Variants in GPX1 observed in about 807,000 individuals in gnomAD.
GPX1 encodes the protein glutathione peroxidase 1, also known as GSHPx-1.
In GPX1, 8 loss-of-function variants were observed where a neutral mutation model predicts 11.5. The ratio of observed to expected loss-of-function variants is 0.70; its 90% CI spans 0.41 to 1.25. The LOEUF (loss-of-function observed/expected upper bound fraction) is 1.25. GPX1 is among the 50% of genes most tolerant of loss of function. GPX1 has a pLI of 0.01. For missense variants in GPX1, 266 were observed against 284.3 expected (o/e 0.94, Z 0.46); for synonymous variants, 142 against 127.8 (o/e 1.11, Z -0.75).
Position 49,357,176 on chromosome 3 carries a change from T to C in GPX1, c.*212A>G. On this transcript the variant is annotated 3_prime_UTR_variant, in exon 2 of 2. Transcript: ENST00000419783. ...ACAATGACACAGGACATACACACAG[T>C]TCTGCTGACACCCGGCACTTTATTA... 6.9e-6 allele frequency: 4 copies of C among 580,936 alleles called. No homozygotes were observed. Among genetic ancestry groups the C allele is most frequent in the Admixed American group, 3.0e-5 (1 of 33,456 alleles). 36.0% of individuals were successfully genotyped at this position (580,936 alleles called of 1,614,324 possible).
At chr3:49,357,853 A>C (rs901060698) in intron 1 of GPX1, 106 bp from the exon 2 acceptor site, 2 of 1,527,022 alleles carry the variant, frequency 1.3e-6, no homozygotes, top group African/African-American at 1.4e-5. Context: ...TTTGCCCTCC[A>C]TGCGCAATCC....
chr3:49,357,808 A>G (rs1438357802), intron 1 of GPX1, 61 bp from the exon 2 acceptor site: 18 of 1,548,232 alleles, frequency 1.2e-5, no homozygotes, highest in Non-Finnish European at 1.5e-5. Flanking sequence ...CGTTCTAACC[A>G]CAAACAAGGG....
intron 1 of GPX1, 117 bp downstream of exon 1, chr3:49,357,910 C>A (rs1417207411): frequency 6.7e-6 from 10 of 1,503,070 alleles, no homozygotes; most frequent in Non-Finnish European, 8.9e-6. Flanking sequence ...AGAAAGGAAA[C>A]GAGAGAGTAG....
rs748844849 is a variant in GPX1, at chr3:49,357,799, G to A, written c.253-52C>T. 7.1e-6 allele frequency: 11 copies of A among 1,556,952 alleles called. No individual in the cohort carries two copies. The South Asian group carries it at 1.1e-4, about 15-fold the overall frequency. On this transcript the variant is annotated intron_variant, in intron 1 of 1. Transcript: ENST00000419783. ...CCGGGGTCAAGAGGAGGAGAGAAAC[G>A]TTCTAACCACAAACAAGGGAGATTT...
In GPX1 at chr3:49,357,438, T is replaced by C. The variant is rs759221900; in HGVS notation, c.562A>G (p.Ile188Val). The C allele has an allele frequency of 1.9e-6, 3 of 1,613,138 alleles. No homozygotes were observed. The highest frequency in any genetic ancestry group is 1.3e-5 in the African/African-American group (1 of 74,928). The change falls in exon 2 of 2, where the codon ATC (isoleucine) becomes GTC (valine). Residue 188 changes from isoleucine to valine, a missense_variant. Coordinates refer to ENST00000419783, the MANE Select transcript of GPX1 (RefSeq NM_000581.4). ...RYSRRFQTID[I>V]EPDIEALLSQ... ...AGCAGGGCTTCGATGTCAGGCTCGATGTCAATGGTCTGGAAGCGGCGGCTG... is the reference window on the plus strand; with the variant it reads ...AGCAGGGCTTCGATGTCAGGCTCGACGTCAATGGTCTGGAAGCGGCGGCTG...
In GPX1 at chr3:49,357,616, G is replaced by A. The variant is rs760872312; in HGVS notation, c.384C>T (p.Phe128=). 1 of 1,613,370 alleles carries A rather than the reference G, an allele frequency of 6.2e-7. No homozygotes were observed. Among genetic ancestry groups the A allele is most frequent in the South Asian group, 1.1e-5 (1 of 91,050 alleles). Reference sequence around the variant, plus strand: ...TGGGAGCTGGCAGGGCCTCCCGCAGGAAGGCGAAGAGAGGGTGCGCCCCCG... The same window carrying A: ...TGGGAGCTGGCAGGGCCTCCCGCAGAAAGGCGAAGAGAGGGTGCGCCCCCG... The part of the protein sequence containing the change: ...NGAGAHPLFA[F]LREALPAPSD... The change falls in exon 2 of 2, where the codon TTC becomes TTT. Residue 128 remains phenylalanine (F), a synonymous_variant. Coordinates refer to ENST00000419783, the MANE Select transcript of GPX1 (RefSeq NM_000581.4).
Position 49,357,538 on chromosome 3 carries a change from C to G in GPX1, c.462G>C (p.Pro154=), listed in dbSNP as rs774750320. ...TCCAGGCAACATCGTTGCGACACAC[C>G]GGAGACCAGGTGATGAGCTTGGGGT... ...MTDPKLITWS[P]VCRNDVAWNF... Residue 154 remains proline, a synonymous_variant, in exon 2 of 2, where the codon CCG becomes CCC. Coordinates refer to ENST00000419783, the MANE Select transcript of GPX1 (RefSeq NM_000581.4). The G allele has an allele frequency of 6.2e-6, 10 of 1,613,442 alleles. No individual in the cohort carries two copies. The South Asian group carries it at 1.1e-4, about 18-fold the overall frequency.
Position 49,357,506 on chromosome 3 carries a change from T to A in GPX1, c.494A>T (p.Glu165Val), listed in dbSNP as rs771810430. Residue 165 changes from glutamate to valine, a missense_variant, in exon 2 of 2, where the codon GAG becomes GTG. Coordinates refer to ENST00000419783, the MANE Select transcript of GPX1 (RefSeq NM_000581.4). The stretch of plus-strand genomic sequence containing the variant: ...ACCGTCAGGGCCCACCAGGAACTTC[T>A]CAAAGTTCCAGGCAACATCGTTGCG... ...VCRNDVAWNF[E>V]KFLVGPDGVP... 1 of 1,613,716 alleles carries A rather than the reference T, an allele frequency of 6.2e-7. No homozygotes were observed. The highest frequency in any genetic ancestry group is 1.3e-5 in the African/African-American group (1 of 75,012).
chr3:49,357,639 C>T lies in GPX1; in HGVS notation c.361G>A (p.Gly121Arg). 1.2e-6 allele frequency: 2 copies of T among 1,613,642 alleles called. No homozygotes were observed. The highest frequency in any genetic ancestry group is 3.3e-5 in the Admixed American group (2 of 60,006). Residue 121 changes from glycine to arginine, a missense_variant, in exon 2 of 2, where the codon GGG becomes AGG. Transcript: ENST00000419783. ...AGGAAGGCGAAGAGAGGGTGCGCCC[C>T]CGCACCGTTCACCTCGCACTTCTCG... ...LFEKCEVNGA[G>R]AHPLFAFLRE...
At chr3:49,357,794 G>T (rs777132027) in intron 1 of GPX1, 47 bp from the exon 2 acceptor site, 1 of 1,566,588 alleles carries the variant, frequency 6.4e-7, no homozygotes, top group South Asian at 1.2e-5. Flanking sequence ...GAGGAGGAGA[G>T]AAACGTTCTA....
At chr3:49,358,002 C>T (rs1297124634) in intron 1 of GPX1, 25 bp downstream of exon 1, 4 of 1,596,976 alleles carry the variant, frequency 2.5e-6, no homozygotes, top group East Asian at 2.2e-5. Flanking sequence ...TCCGCCCCCG[C>T]CCCGCCCCGC....
At chr3:49,357,870 C>A in intron 1 of GPX1, 123 bp from the exon 2 acceptor site, 2 of 1,520,042 alleles carry the variant, frequency 1.3e-6, no homozygotes, top group South Asian at 2.6e-5. Flanking sequence ...ATCCCAAGGG[C>A]GGAGAGGAAT....
intron 1 of GPX1, 55 bp downstream of exon 1, chr3:49,357,972 C>T (rs1388817760): frequency 1.3e-6 from 2 of 1,551,390 alleles, no homozygotes; most frequent in Non-Finnish European, 1.7e-6. Context: ...ACCGCCGGCG[C>T]CCCCAGCCAC....
Position 49,358,132 on chromosome 3 carries a change from T to C in GPX1, c.147A>G (p.Sec49Trp). Reference protein sequence around the residue: ...VLLIENVASLUGTTVRDYTQM... With the variant: ...VLLIENVASLWGTTVRDYTQM... ...GGGTGTAGTCCCGGACCGTGGTGCC[T>C]CAGAGGGACGCCACATTCTCGATAA... The change falls in exon 1 of 2, where the codon TGA becomes TGG. Residue 49 changes from selenocysteine (U) to tryptophan (W), a missense_variant. Coordinates refer to ENST00000419783, the MANE Select transcript of GPX1 (RefSeq NM_000581.4). 6.2e-7 allele frequency: 1 copy of C among 1,609,440 alleles called. No individual in the cohort carries two copies. The highest frequency in any genetic ancestry group is 8.5e-7 in the Non-Finnish European group (1 of 1,178,942).
chr3:49,357,932 G>A (rs772535686), intron 1 of GPX1, 95 bp downstream of exon 1: 6 of 1,451,950 alleles, frequency 4.1e-6, no homozygotes, highest in Non-Finnish European at 5.5e-6. Flanking sequence ...CAGACTCTCC[G>A]CGCATGGAGC....
At position 49,358,200 on chromosome 3, in the gene GPX1, C is replaced by G. The variant is rs1333686162; in HGVS notation, c.79G>C (p.Gly27Arg). 3 of 1,558,542 alleles carry G rather than the reference C, an allele frequency of 1.9e-6. No individual in the cohort carries two copies. Among genetic ancestry groups the G allele is most frequent in the Non-Finnish European group, 8.7e-7 (1 of 1,152,070 alleles). Residue 27 changes from glycine to arginine, a missense_variant, in exon 1 of 2, where the codon GGG becomes CGG. Gly to Arg is a moderately radical substitution (Grantham distance 125). Transcript: ENST00000419783. ...AGGGAGCCCAGGCTCACAGGCTCCC[C>G]GCCGGCCAGCGGGCGCGCCGAGAAG... ...YAFSARPLAG[G>R]EPVSLGSLRG...
chr3:49,358,181 C>T lies in GPX1; in HGVS notation c.98G>A (p.Gly33Asp), dbSNP rs1235232603. ...PLAGGEPVSL[G>D]SLRGKVLLIE... is the part of the protein sequence containing the mutation. ...AAGTAGTACCTTGCCCCGCAGGGAGCCCAGGCTCACAGGCTCCCCGCCGGC... is the reference window on the plus strand; with the variant it reads ...AAGTAGTACCTTGCCCCGCAGGGAGTCCAGGCTCACAGGCTCCCCGCCGGC... Residue 33 changes from glycine to aspartate, a missense_variant, in exon 1 of 2, where the codon GGC (glycine) becomes GAC (aspartate). By Grantham distance (94) the Gly-to-Asp change is moderately conservative. Coordinates refer to ENST00000419783, the MANE Select transcript of GPX1 (RefSeq NM_000581.4). The T allele has an allele frequency of 2.5e-6, 4 of 1,577,668 alleles. No individual in the cohort carries two copies. The highest frequency in any genetic ancestry group is 3.4e-6 in the Non-Finnish European group (4 of 1,162,042).
At position 49,357,524 on chromosome 3, in the gene GPX1, T is replaced by C. The variant is rs763506541; in HGVS notation, c.476A>G (p.Asp159Gly). Residue 159 changes from aspartate to glycine, a missense_variant, in exon 2 of 2, where the codon GAT (aspartate) becomes GGT (glycine). Coordinates refer to ENST00000419783, the MANE Select transcript of GPX1 (RefSeq NM_000581.4). ...GAACTTCTCAAAGTTCCAGGCAACATCGTTGCGACACACCGGAGACCAGGT... is the reference window on the plus strand; with the variant it reads ...GAACTTCTCAAAGTTCCAGGCAACACCGTTGCGACACACCGGAGACCAGGT... ...LITWSPVCRN[D>G]VAWNFEKFLV... 2.9e-5 allele frequency: 46 copies of C among 1,613,112 alleles called. No individual in the cohort carries two copies. In the Admixed American group the frequency reaches 7.7e-4, roughly 27 times the overall value.
At position 49,358,335 on chromosome 3, in the gene GPX1, C is replaced by G; in HGVS notation, c.-57G>C. Reference sequence around the variant, plus strand: ...CCCGAACAAGCACTGTAAGGGGAGGCCAGCAGGCGCCTCCTTTTAACTGGC... The same window carrying G: ...CCCGAACAAGCACTGTAAGGGGAGGGCAGCAGGCGCCTCCTTTTAACTGGC... On this transcript the variant is annotated 5_prime_UTR_variant, in exon 1 of 2. Transcript: ENST00000419783. 4 of 1,467,752 alleles carry G rather than the reference C, an allele frequency of 2.7e-6. No homozygotes were observed. Among genetic ancestry groups the G allele is most frequent in the South Asian group, 1.4e-5 (1 of 72,626 alleles). The allele number at this position is 1,467,752 out of a possible 1,614,324, so 90.9% of individuals were successfully genotyped here. A position where few individuals can be genotyped will look rare whatever the true frequency, so the allele number is the denominator to read the frequency against.
Sources: allele counts gnomAD v4.1 joint callset, GRCh38; gene constraint gnomAD v4.1.1; transcripts MANE v1.5; gene names NCBI Gene and HGNC (gene_info 2026-07-23, HGNC 2026-07-21).